Variants in CFAP263 observed in about 807,000 individuals in gnomAD.
The protein encoded by CFAP263 is cilia and flagella associated protein 263.
At chr16:58,254,698 G>A in the CFAP263 span, among the ~76,000 whole-genome samples, 38 of 151,264 alleles carry the variant, frequency 2.5e-4, no homozygotes, top group Non-Finnish European at 4.9e-4. Context: ...TCCGCCTCCC[G>A]GGTTCACACC....
the CFAP263 span, among the ~76,000 whole-genome samples, chr16:58,258,094 C>T: frequency 7.3e-6 from 1 of 137,382 alleles, no homozygotes; most frequent in Non-Finnish European, 1.5e-5. Context: ...GGCAATAGAG[C>T]GAGACTCTGT....
the CFAP263 span, chr16:58,280,040 G>A: frequency 1.5e-6 from 1 of 656,150 alleles, no homozygotes; most frequent in Non-Finnish European, 2.6e-6. Flanking sequence ...CAAGCATAGT[G>A]AAAGTGACCT....
the CFAP263 span, among the ~76,000 whole-genome samples, chr16:58,251,668 A>G: frequency 4.6e-5 from 7 of 152,336 alleles, no homozygotes; most frequent in East Asian, 1.4e-3. Flanking sequence ...CTGGGATTAC[A>G]GGTGTGAGCC....
At chr16:58,262,231 C>A in the CFAP263 span, among the ~76,000 whole-genome samples, 1 of 152,144 alleles carries the variant, frequency 6.6e-6, no homozygotes, top group South Asian at 2.1e-4. Context: ...TGCCTAACAC[C>A]ATGCCTGGGA....
At chr16:58,272,329 G>C in the CFAP263 span, among the ~76,000 whole-genome samples, 1 of 152,050 alleles carries the variant, frequency 6.6e-6, no homozygotes, top group Non-Finnish European at 1.5e-5. Context: ...TATTTGTTTT[G>C]TATGTTGGCT....
At chr16:58,254,536 C>A in the CFAP263 span, among the ~76,000 whole-genome samples, 6 of 152,022 alleles carry the variant, frequency 3.9e-5, no homozygotes, top group East Asian at 1.2e-3. Flanking sequence ...CAGTATATAT[C>A]TTTAATATAT....
chr16:58,276,779 A>G, the CFAP263 span, among the ~76,000 whole-genome samples: 1 of 152,270 alleles, frequency 6.6e-6, no homozygotes, highest in South Asian at 2.1e-4. Context: ...GAATTGTTAA[A>G]TTATGGTACA....
chr16:58,273,472 G>A, the CFAP263 span, among the ~76,000 whole-genome samples: 1 of 152,060 alleles, frequency 6.6e-6, no homozygotes, highest in Non-Finnish European at 1.5e-5. Context: ...TCAATCTCCT[G>A]TGGTGACTTT....
the CFAP263 span, among the ~76,000 whole-genome samples, chr16:58,260,562 A>G: frequency 2.0e-5 from 3 of 152,172 alleles, no homozygotes; most frequent in African/African-American, 7.2e-5. Flanking sequence ...TTCTGGGAAT[A>G]TGGCCTGGTG....
the CFAP263 span, among the ~76,000 whole-genome samples, chr16:58,266,943 C>T: frequency 3.9e-5 from 6 of 152,174 alleles, no homozygotes; most frequent in Non-Finnish European, 7.4e-5. Flanking sequence ...CCCGGCTCCC[C>T]CTGGTCTCTG....
chr16:58,268,866 T>G, the CFAP263 span, among the ~76,000 whole-genome samples: 1 of 152,234 alleles, frequency 6.6e-6, no homozygotes, highest in Non-Finnish European at 1.5e-5. Flanking sequence ...TTAGTTTTCT[T>G]GTTAACGTTT....
At chr16:58,262,937 C>A in the CFAP263 span, among the ~76,000 whole-genome samples, 13 of 152,170 alleles carry the variant, frequency 8.5e-5, no homozygotes, top group African/African-American at 2.7e-4. Flanking sequence ...GAGAACTAAC[C>A]ACATTTAGAG....
At chr16:58,266,352 A>C in the CFAP263 span, among the ~76,000 whole-genome samples, 2 of 133,404 alleles carry the variant, frequency 1.5e-5, no homozygotes, top group African/African-American at 5.7e-5. Flanking sequence ...ATACTGATTC[A>C]ATCTTTCAGC....
At chr16:58,259,345 T>A in the CFAP263 span, among the ~76,000 whole-genome samples, 134,935 of 152,232 alleles carry the variant, frequency 0.89, 60,021 homozygotes, top group African/African-American at 0.97. Flanking sequence ...CTGGGATTAC[T>A]GGGTGAATCT....
At chr16:58,259,475 C>T in the CFAP263 span, among the ~76,000 whole-genome samples, 18 of 152,070 alleles carry the variant, frequency 1.2e-4, no homozygotes, top group Admixed American at 7.2e-4. Context: ...AGCTTTAGAT[C>T]CTGGAGACAA....
chr16:58,254,194 A>G, the CFAP263 span: 432 of 1,611,822 alleles, frequency 2.7e-4, no homozygotes, highest in African/African-American at 4.7e-3. Flanking sequence ...TGTCCTGCCC[A>G]GGCTCCCCAC....
chr16:58,255,694 G>C, the CFAP263 span, among the ~76,000 whole-genome samples: 1 of 151,946 alleles, frequency 6.6e-6, no homozygotes, highest in Non-Finnish European at 1.5e-5. Flanking sequence ...GAGTAGCTGG[G>C]ACTACAGGCT....
chr16:58,253,645 T>A, the CFAP263 span, among the ~76,000 whole-genome samples: 2 of 152,356 alleles, frequency 1.3e-5, no homozygotes, highest in South Asian at 4.1e-4. Flanking sequence ...GGATGCAGTT[T>A]CTTTCCTGTG....
chr16:58,279,395 G>T, the CFAP263 span, among the ~76,000 whole-genome samples: 1 of 152,114 alleles, frequency 6.6e-6, no homozygotes, highest in African/African-American at 2.4e-5. Context: ...CCAAATTTGG[G>T]CCCCTCAGAT....
Sources: gnomAD v4.1 joint callset for allele counts (sites outside exome capture counted in the v4.1 genomes callset) on GRCh38, gnomAD v4.1.1 for gene constraint, MANE v1.5 for transcripts, NCBI Gene and HGNC (gene_info 2026-07-23, HGNC 2026-07-21) for gene names.